GCA: variants seen among roughly 807,000 people sequenced by gnomAD.
GCA encodes grancalcin, EF-hand calcium-binding protein.
GCA carries 30 observed loss-of-function variants against 32.6 expected under a neutral mutation model. The observed-to-expected ratio is 0.92, with a 90% confidence interval of 0.69 to 1.25. The LOEUF is 1.25. Among genes scored for constraint, GCA ranks in the 50% most tolerant of loss-of-function variants. The pLI is 0.00. For missense variants in GCA, 291 were observed against 266.8 expected, an observed-to-expected ratio of 1.09 and a Z score of -0.63; for synonymous variants, 102 against 84.6, an observed-to-expected ratio of 1.21 and a Z score of -1.13.
intron 1 of GCA, among the ~76,000 whole-genome samples, chr2:162,324,557 G>A (rs1040133702): frequency 2.0e-5 from 3 of 152,164 alleles, no homozygotes; most frequent in Non-Finnish European, 2.9e-5. Flanking sequence ...CTGCCTCTGT[G>A]TCTGCCTGCT....
At chr2:162,343,265 T>TA (rs1322482489), upstream of GCA, among the ~76,000 whole-genome samples, 1 of 152,234 alleles carries the variant, frequency 6.6e-6, no homozygotes, top group Non-Finnish European at 1.5e-5. Context: ...CTTGTCCTTT[T>TA]AAAGTCAGAG....
exon 5 of GCA, chr2:162,371,540 G>C: frequency 1.0e-6 from 1 of 983,648 alleles, no homozygotes; most frequent in African/African-American, 1.7e-5. Flanking sequence ...CTCCATGCAA[G>C]AGAAATTGGA....
rs1226383313 is a variant in GCA, at chr2:162,361,621, CAT to C, written c.*1380_*1381del. On this transcript the variant is annotated 3_prime_UTR_variant, in exon 8 of 8. Coordinates refer to ENST00000437150, the MANE Select transcript of GCA (RefSeq NM_012198.5). Reference sequence around the variant, plus strand: ...AAAAAATCCTGGAAAGGAAGTAACGCATAGTCACTTGACACTGATAATTTTAT... The same window carrying C: ...AAAAAATCCTGGAAAGGAAGTAACGCAGTCACTTGACACTGATAATTTTAT... The C allele has an allele frequency of 1.0e-6, 1 of 981,232 alleles. No individual in the cohort carries two copies. Among genetic ancestry groups the C allele is most frequent in the African/African-American group, 1.8e-5 (1 of 57,070 alleles). 60.8% of individuals were successfully genotyped at this position (981,232 alleles called of 1,614,324 possible). A position where few individuals can be genotyped will look rare whatever the true frequency, so the allele number is the denominator to read the frequency against.
rs1298841839 is a variant in GCA, at chr2:162,344,176, G to A, written c.-73G>A. ...CCTGCAGCTGCGCCTCCTTGCACCT[G>A]CGCCTGTGCTTTTTCTCCCAGCACT... On this transcript the variant is annotated 5_prime_UTR_variant, in exon 1 of 8. Transcript: ENST00000437150. The A allele has an allele frequency of 3.2e-6, 5 of 1,557,522 alleles. No homozygotes were observed. In the African/African-American group the frequency reaches 6.8e-5, roughly 21 times the overall value.
intron 1 of GCA, among the ~76,000 whole-genome samples, chr2:162,323,201 G>C (rs1283678908): frequency 6.6e-6 from 1 of 151,886 alleles, no homozygotes; most frequent in Non-Finnish European, 1.5e-5. Flanking sequence ...CTGCATAAAT[G>C]TCTTCTTTTG....
chr2:162,363,969 C>G (rs1410784876), downstream of GCA, among the ~76,000 whole-genome samples: 1 of 151,388 alleles, frequency 6.6e-6, no homozygotes, highest in African/African-American at 2.4e-5. Flanking sequence ...TCCCTATGTG[C>G]TAATTATGTT....
intron 1 of GCA, among the ~76,000 whole-genome samples, chr2:162,328,081 A>G (rs541830477): frequency 1.7e-4 from 26 of 152,168 alleles, no homozygotes; most frequent in South Asian, 8.3e-4. Context: ...CCAAGGCCGG[A>G]GCTGTCTCCC....
At chr2:162,321,883 C>CATATAT (rs10529213) in intron 1 of GCA, among the ~76,000 whole-genome samples, 4 of 70,214 alleles carry the variant, frequency 5.7e-5, no homozygotes, top group African/African-American at 1.1e-4. Context: ...AATTTAGTTA[C>CATATAT]ATATATATAT....
downstream of GCA, among the ~76,000 whole-genome samples, chr2:162,365,939 T>C (rs1225194107): frequency 2.0e-5 from 3 of 151,644 alleles, no homozygotes. Context: ...ATAAGAATGA[T>C]GAAAATGTGG....
intron 1 of GCA, among the ~76,000 whole-genome samples, chr2:162,320,784 T>C (rs912817068): frequency 6.6e-6 from 1 of 152,124 alleles, no homozygotes; most frequent in African/African-American, 2.4e-5. Flanking sequence ...TTTTATGGAG[T>C]TCACATTCTA....
intron 3 of GCA, among the ~76,000 whole-genome samples, chr2:162,352,888 A>G (rs1244269686): frequency 6.6e-6 from 1 of 152,068 alleles, no homozygotes; most frequent in African/African-American, 2.4e-5. Context: ...TACTATCTGA[A>G]TGCTGCTTAT....
downstream of GCA, among the ~76,000 whole-genome samples, chr2:162,365,591 A>G (rs549408016): frequency 6.6e-6 from 1 of 151,696 alleles, no homozygotes; most frequent in South Asian, 2.1e-4. Context: ...GATGTAAGTG[A>G]GCTGCTTTGT....
Position 162,327,946 on chromosome 2 carries a change from C to T in GCA, c.-31+8721C>T, listed in dbSNP as rs1384698218. On this transcript the variant is annotated intron_variant, in intron 1 of 4. Coordinates refer to the GCA transcript ENST00000429691. ...CTGTAATTCCAATGAGAGGGGACCG[C>T]GTGCTGGCAGTCCTCACAGCCCTCG... 2.6e-5 allele frequency among the ~76,000 whole-genome samples: 4 copies of T among 152,226 alleles called. No homozygotes were observed. The East Asian group carries it at 5.8e-4, about 22-fold the overall frequency.
chr2:162,372,217 T>C, downstream of GCA: 1 of 774,456 alleles, frequency 1.3e-6, no homozygotes, highest in Non-Finnish European at 2.0e-6. Flanking sequence ...TTAGTGATAT[T>C]AGCCAACATT....
At chr2:162,330,741 A>G (rs74930283) in intron 1 of GCA, among the ~76,000 whole-genome samples, 3,399 of 152,294 alleles carry the variant, frequency 0.022, 134 homozygotes, top group African/African-American at 0.077. Context: ...ACTAGGGATT[A>G]GGGCTTCTGT....
chr2:162,348,625 A>G (rs1418363492), intron 2 of GCA, among the ~76,000 whole-genome samples: 1 of 152,162 alleles, frequency 6.6e-6, no homozygotes, highest in Non-Finnish European at 1.5e-5. Flanking sequence ...ATTATGACCA[A>G]TAGGGACGTG....
At chr2:162,356,626 A>G (rs1685283907) in intron 4 of GCA, 132 bp from the exon 5 acceptor site, 2 of 854,148 alleles carry the variant, frequency 2.3e-6, no homozygotes, top group South Asian at 1.7e-5. Context: ...TAGGCTTTCT[A>G]GTTTTTATGC....
rs114778549 is a variant in GCA at position 162,327,686 on chromosome 2, C to G, written c.-31+8461C>G. The stretch of plus-strand genomic sequence containing the variant: ...AGAGGGGAAAGGGTAAGGAGAGATT[C>G]CCTGAGCCATGCATGCCTGTGGCTG... On this transcript the variant is annotated intron_variant, in intron 1 of 4. Transcript: ENST00000429691. 8.2e-3 allele frequency among the ~76,000 whole-genome samples: 1,255 copies of G among 152,290 alleles called. 16 individuals are homozygous for G. The highest frequency in any genetic ancestry group is 0.029 in the African/African-American group (1,199 of 41,552).
intron 5 of GCA, among the ~76,000 whole-genome samples, chr2:162,358,377 A>G (rs1685392189): frequency 6.6e-6 from 1 of 151,652 alleles, no homozygotes; most frequent in Non-Finnish European, 1.5e-5. Context: ...TAATTTAAAC[A>G]TACTGGGAGT....
Sources: allele counts gnomAD v4.1 joint callset (sites outside exome capture counted in the v4.1 genomes callset), GRCh38; gene constraint gnomAD v4.1.1; transcripts MANE v1.5; gene names NCBI Gene and HGNC (gene_info 2026-07-23, HGNC 2026-07-21).